NOP14: variants seen among roughly 807,000 people sequenced by gnomAD.
NOP14 encodes nucleolar protein 14.
Under a neutral mutation model 101.6 loss-of-function variants are expected in NOP14, and 57 were observed. That is an observed-to-expected ratio of 0.56 (90% CI 0.45 to 0.70). NOP14 has a LOEUF of 0.70. Ranked by LOEUF, NOP14 falls within the 30% of genes least tolerant of loss-of-function variation. The pLI, the probability that NOP14 is intolerant of heterozygous loss-of-function variation, is 0.00. For synonymous variants in NOP14, 428 were observed against 424.0 expected, an observed-to-expected ratio of 1.01 and a Z score of -0.12; for missense variants, 1,134 against 1,075.5, an observed-to-expected ratio of 1.05 and a Z score of -0.76.
At chr4:2,946,768 C>G (rs1714674044) in intron 10 of NOP14, 1 of 547,144 alleles carries the variant, frequency 1.8e-6, no homozygotes, top group Non-Finnish European at 3.3e-6. Flanking sequence ...GGAGAAACAG[C>G]TCGATTTGTG....
intron 13 of NOP14, among the ~76,000 whole-genome samples, chr4:2,943,285 C>T (rs1714358454): frequency 6.6e-6 from 1 of 152,210 alleles, no homozygotes; most frequent in South Asian, 2.1e-4. Flanking sequence ...CAGGTCAGTC[C>T]CCTGGACATG....
At chr4:2,946,340 C>A (rs761553645) in intron 11 of NOP14, 72 bp downstream of exon 11, 5 of 1,566,008 alleles carry the variant, frequency 3.2e-6, no homozygotes, top group Non-Finnish European at 4.4e-6. Context: ...GCATCGTACC[C>A]GTCGTCCACC....
At position 2,945,158 on chromosome 4, in the gene NOP14, G is replaced by C. The variant is rs1160956388; in HGVS notation, c.1707C>G (p.Ala569=). The C allele has an allele frequency of 6.3e-7, 1 of 1,593,020 alleles. No individual in the cohort carries two copies. Among genetic ancestry groups the C allele is most frequent in the South Asian group, 1.1e-5 (1 of 87,572 alleles). ...TGAGCAGCTGACTGAGGCACACGAG[G>C]GCAGGGGTCACCACTGGGTGCCAGA... ...SDFWHPVVTP[A]LVCLSQLLTK... is the part of the protein sequence containing the mutation. The change falls in exon 12 of 18, where the codon GCC becomes GCG. Residue 569 remains alanine (A), a synonymous_variant. Transcript: ENST00000416614.
intron 1 of NOP14, among the ~76,000 whole-genome samples, chr4:2,958,959 C>A (rs185114866): frequency 4.9e-4 from 75 of 152,334 alleles, no homozygotes; most frequent in African/African-American, 1.7e-3. Flanking sequence ...GAAGCACGAC[C>A]TGGCCCTCCT....
chr4:2,949,719 C>T (rs756534544), intron 8 of NOP14, among the ~76,000 whole-genome samples: 3 of 152,132 alleles, frequency 2.0e-5, no homozygotes, highest in Non-Finnish European at 2.9e-5. Context: ...TCTGGCCCAT[C>T]GGGGGCCGGC....
At position 2,951,214 on chromosome 4, in the gene NOP14, T is replaced by C. The variant is rs557600846; in HGVS notation, c.902A>G (p.Asp301Gly). The change falls in exon 7 of 18, where the codon GAT becomes GGT. Residue 301 changes from aspartate (D) to glycine (G), a missense_variant. Coordinates refer to ENST00000416614, the MANE Select transcript of NOP14 (RefSeq NM_001291978.2). ...TGGTTTCTTAACATTTTCATCCTCA[T>C]CCTTTCCAAGCATTCTTCGAAGTCT... ...AERLRRMLGKDEDENVKKPKH... is the reference protein window; with the variant it reads ...AERLRRMLGKGEDENVKKPKH... The C allele has an allele frequency of 6.2e-7, 1 of 1,613,954 alleles. No homozygotes were observed. The highest frequency in any genetic ancestry group is 1.7e-5 in the Admixed American group (1 of 60,034).
In NOP14 at chr4:2,963,336, C is replaced by T. The variant is rs1453341223; in HGVS notation, c.-17G>A. On this transcript the variant is annotated 5_prime_UTR_variant, in exon 1 of 18. Transcript: ENST00000416614. ...CTTCGCCATGGCGCGCGCCCCGCTG[C>T]GCCCAAGGGCCCGAGACCCGAAGAG... The T allele has an allele frequency of 1.3e-6, 2 of 1,554,322 alleles. No homozygotes were observed. Among genetic ancestry groups the T allele is most frequent in the Non-Finnish European group, 1.7e-6 (2 of 1,155,922 alleles).
chr4:2,941,316 A>G (rs1285598757), intron 15 of NOP14: 1 of 459,030 alleles, frequency 2.2e-6, no homozygotes, highest in African/African-American at 2.0e-5. Context: ...GCGCTGGTGC[A>G]CCCTCCGTGC....
chr4:2,941,548 C>T, intron 15 of NOP14, 34 bp downstream of exon 15: 1 of 1,603,602 alleles, frequency 6.2e-7, no homozygotes, highest in Non-Finnish European at 8.5e-7. Flanking sequence ...TGTCTGAGCC[C>T]AGGCAGAGCA....
chr4:2,947,989 G>A (rs538689502), intron 9 of NOP14, among the ~76,000 whole-genome samples: 2 of 152,360 alleles, frequency 1.3e-5, no homozygotes, highest in South Asian at 4.1e-4. Flanking sequence ...TCTGCCACAC[G>A]CTGGCTATGT....
chr4:2,941,585 G>A lies in NOP14; in HGVS notation c.2196C>T (p.Leu732=). The change falls in exon 15 of 18, where the codon CTC becomes CTT. Residue 732 remains leucine, a synonymous_variant. Coordinates refer to ENST00000416614, the MANE Select transcript of NOP14 (RefSeq NM_001291978.2). ...HLADCSHPQE[L]QELCQSTLTE... ...CCTAGTGGCCGGGAAGCCTCACCTG[G>A]AGCTCCTGCGGGTGGCTGCAGTCCG... 6.2e-7 allele frequency: 1 copy of A among 1,611,792 alleles called. No homozygotes were observed. The highest frequency in any genetic ancestry group is 1.9e-4 in the Middle Eastern group (1 of 5,338).
At chr4:2,939,899 G>C (rs972971017) in intron 15 of NOP14, among the ~76,000 whole-genome samples, 1 of 152,214 alleles carries the variant, frequency 6.6e-6, no homozygotes, top group Non-Finnish European at 1.5e-5. Flanking sequence ...GCTGGCCCCT[G>C]AGAGCACTCT....
In NOP14 at chr4:2,945,148, G is replaced by C. The variant is rs1227657812; in HGVS notation, c.1717C>G (p.Leu573Val). The C allele has an allele frequency of 1.3e-6, 2 of 1,589,970 alleles. No homozygotes were observed. Among genetic ancestry groups the C allele is most frequent in the East Asian group, 2.3e-5 (1 of 44,056 alleles). The change falls in exon 12 of 18, where the codon CTC (leucine) becomes GTC (valine). Residue 573 changes from leucine to valine, a missense_variant. Transcript: ENST00000416614. Reference sequence around the variant, plus strand: ...CGCACCTTGGTGAGCAGCTGACTGAGGCACACGAGGGCAGGGGTCACCACT... The same window carrying C: ...CGCACCTTGGTGAGCAGCTGACTGACGCACACGAGGGCAGGGGTCACCACT... ...HPVVTPALVCLSQLLTKCPIL... is the reference protein window; with the variant it reads ...HPVVTPALVCVSQLLTKCPIL...
chr4:2,951,101 G>A lies in NOP14; in HGVS notation c.1002+13C>T. The A allele has an allele frequency of 6.3e-7, 1 of 1,575,048 alleles. No individual in the cohort carries two copies. Among genetic ancestry groups the A allele is most frequent in the Non-Finnish European group, 8.6e-7 (1 of 1,157,014 alleles). On this transcript the variant is annotated intron_variant, in intron 7 of 17. Coordinates refer to ENST00000416614, the MANE Select transcript of NOP14 (RefSeq NM_001291978.2). ...AAAGAGAGAGAAAGAGAAAATGAAG[G>A]CAAACATCTTACTTTGTAGGAAAGC...
intron 1 of NOP14, among the ~76,000 whole-genome samples, chr4:2,959,716 T>C (rs1332671132): frequency 2.0e-5 from 3 of 152,214 alleles, no homozygotes; most frequent in Non-Finnish European, 4.4e-5. Context: ...CTCTGTTCTC[T>C]CCGCTTCTGT....
chr4:2,943,910 G>A (rs1291893809), intron 13 of NOP14, among the ~76,000 whole-genome samples, 163 bp downstream of exon 13: 1 of 152,256 alleles, frequency 6.6e-6, no homozygotes, highest in Non-Finnish European at 1.5e-5. Context: ...TCCCCATGTG[G>A]CGCGTGCACA....
At position 2,954,657 on chromosome 4, in the gene NOP14, G is replaced by T. The variant is rs1005228168; in HGVS notation, c.473-94C>A. 7.7e-6 allele frequency: 11 copies of T among 1,432,636 alleles called. No individual in the cohort carries two copies. The African/African-American group carries it at 1.6e-4, about 20-fold the overall frequency. The allele number at this position is 1,432,636 out of a possible 1,614,324, so 88.7% of individuals were successfully genotyped here. On this transcript the variant is annotated intron_variant, in intron 3 of 17. Transcript: ENST00000416614. ...CTCTGCCAGTGCTTCCCCCATAGTGGTCTGGAAAAGTCCACATTTGAGAAA... is the reference window on the plus strand; with the variant it reads ...CTCTGCCAGTGCTTCCCCCATAGTGTTCTGGAAAAGTCCACATTTGAGAAA...
At chr4:2,945,864 T>C (rs1210071384) in intron 11 of NOP14, among the ~76,000 whole-genome samples, 1 of 152,184 alleles carries the variant, frequency 6.6e-6, no homozygotes, top group Non-Finnish European at 1.5e-5. Context: ...CACACGTTAG[T>C]CCATGGCTAG....
At chr4:2,963,099 C>G (rs753294269) in intron 1 of NOP14, 26 bp downstream of exon 1, 4 of 1,515,122 alleles carry the variant, frequency 2.6e-6, no homozygotes, top group Non-Finnish European at 3.5e-6. Context: ...TCCTGCCTTC[C>G]GGCTCCCCGT....
Sources: allele counts gnomAD v4.1 joint callset (sites outside exome capture counted in the v4.1 genomes callset), GRCh38; gene constraint gnomAD v4.1.1; transcripts MANE v1.5; gene names NCBI Gene and HGNC (gene_info 2026-07-23, HGNC 2026-07-21).